The following ARHGAP44 variants were observed in gnomAD, a reference collection of about 807,000 sequenced individuals.
The protein encoded by ARHGAP44 is Rho GTPase activating protein 44.
Under a neutral mutation model 106.8 loss-of-function variants are expected in ARHGAP44, and 43 were observed. The ratio of observed to expected loss-of-function variants is 0.40; its 90% confidence interval spans 0.32 to 0.52. The LOEUF (loss-of-function observed/expected upper bound fraction) is 0.52. ARHGAP44 is among the 20% of genes least tolerant of loss of function. The pLI is 0.48. For missense variants in ARHGAP44, 866 were observed against 1,050.5 expected (o/e 0.82, Z 2.43); for synonymous variants, 439 against 410.3 (o/e 1.07, Z -0.85).
intron 10 of ARHGAP44, among the ~76,000 whole-genome samples, chr17:12,946,564 T>C (rs1190460835): frequency 6.6e-6 from 1 of 151,532 alleles, no homozygotes; most frequent in Non-Finnish European, 1.5e-5. Context: ...TTTGGGAGGC[T>C]GAGGAGGGCA....
chr17:12,906,814 C>G (rs560209663), intron 3 of ARHGAP44, among the ~76,000 whole-genome samples: 31 of 152,174 alleles, frequency 2.0e-4, no homozygotes, highest in African/African-American at 6.5e-4. Flanking sequence ...GGGGTGCATG[C>G]CTGTAGTTCT....
At chr17:12,905,350 T>G (rs1379530740) in intron 3 of ARHGAP44, among the ~76,000 whole-genome samples, 1 of 152,168 alleles carries the variant, frequency 6.6e-6, no homozygotes, top group African/African-American at 2.4e-5. Context: ...TTAGTGCAGG[T>G]GTTAAATGAC....
chr17:12,826,047 A>G (rs560535551), intron 1 of ARHGAP44, among the ~76,000 whole-genome samples: 1 of 152,256 alleles, frequency 6.6e-6, no homozygotes, highest in Non-Finnish European at 1.5e-5. Context: ...GAGATCTCTA[A>G]TTTTTGACAA....
chr17:12,898,722 G>A (rs1157420596), intron 3 of ARHGAP44, among the ~76,000 whole-genome samples: 1 of 152,192 alleles, frequency 6.6e-6, no homozygotes, highest in Non-Finnish European at 1.5e-5. Context: ...AGCTGCAAGG[G>A]AGGCTGAGAA....
intron 20 of ARHGAP44, chr17:12,986,923 G>A: frequency 1.7e-6 from 1 of 602,104 alleles, no homozygotes; most frequent in Non-Finnish European, 2.9e-6. Flanking sequence ...CCTTTTGGCA[G>A]CAGACTGTTG....
At chr17:12,899,583 T>G (rs1455692345) in intron 3 of ARHGAP44, among the ~76,000 whole-genome samples, 1 of 83,098 alleles carries the variant, frequency 1.2e-5, no homozygotes, top group East Asian at 3.5e-4. Flanking sequence ...GGAAAAGAAA[T>G]AAAATGAAAA....
intron 1 of ARHGAP44, among the ~76,000 whole-genome samples, chr17:12,881,785 C>T (rs1373007925): frequency 6.6e-6 from 1 of 152,148 alleles, no homozygotes; most frequent in Non-Finnish European, 1.5e-5. Context: ...CCTTGAACTC[C>T]TGGGCTCAAG....
intron 13 of ARHGAP44, among the ~76,000 whole-genome samples, chr17:12,954,993 C>G (rs570562341): frequency 5.3e-5 from 8 of 152,172 alleles, no homozygotes; most frequent in African/African-American, 1.9e-4. Flanking sequence ...AAAAGAAATC[C>G]CCTTCCGATA....
intron 1 of ARHGAP44, among the ~76,000 whole-genome samples, chr17:12,844,580 T>C (rs2035509815): frequency 1.3e-5 from 2 of 152,278 alleles, no homozygotes; most frequent in African/African-American, 4.8e-5. Context: ...GCTTCTAGGG[T>C]AGCTTCAAAC....
rs1220175194 is a variant in ARHGAP44 at position 12,875,423 on chromosome 17, G to T, written c.54-19517G>T. Among the ~76,000 whole-genome samples the T allele has an allele frequency of 2.0e-5, 3 of 152,034 alleles. No individual in the cohort carries two copies. In the East Asian group the frequency reaches 5.8e-4, roughly 30 times the overall value. On this transcript the variant is annotated intron_variant, in intron 1 of 20. Coordinates refer to ENST00000379672, the MANE Select transcript of ARHGAP44 (RefSeq NM_014859.6). ...AGCCTGGACAACATAGCAAGGCCTT[G>T]TCTCTACTAAAAGTTTTAAAAATTG...
intron 16 of ARHGAP44, among the ~76,000 whole-genome samples, chr17:12,968,764 TTTC>T (rs952842435): frequency 1.4e-5 from 2 of 145,984 alleles, no homozygotes; most frequent in African/African-American, 5.1e-5. Flanking sequence ...TTTTCTTTTA[TTTC>T]TTTTCTTTTT....
Position 12,958,309 on chromosome 17 carries a change from A to G in ARHGAP44, c.1343-408A>G, listed in dbSNP as rs780461705. On this transcript the variant is annotated intron_variant, in intron 15 of 20. Transcript: ENST00000379672. This position sits in a 1 kb window ranked among gnomAD's most constrained non-coding sequence, Gnocchi z 4.1. The stretch of plus-strand genomic sequence containing the variant: ...TATTGCCTCTTATTTTATTTTCTTG[A>G]CTAATTCCATTGGCTAGTGTTTCTC... Among the ~76,000 whole-genome samples, 1 of 152,150 alleles carries G rather than the reference A, an allele frequency of 6.6e-6. No homozygotes were observed. The highest frequency in any genetic ancestry group is 1.5e-5 in the Non-Finnish European group (1 of 68,038).
chr17:12,975,615 G>A (rs1035599976), intron 18 of ARHGAP44, among the ~76,000 whole-genome samples: 7 of 151,760 alleles, frequency 4.6e-5, no homozygotes, highest in African/African-American at 7.3e-5. Context: ...TGGCTAACAC[G>A]GTGAAACCCC....
intron 20 of ARHGAP44, chr17:12,987,482 G>C (rs1159016505): frequency 4.3e-6 from 1 of 229,902 alleles, no homozygotes; most frequent in African/African-American, 2.2e-5. Context: ...AGCTGTAACA[G>C]ATCTGTTCTT....
At chr17:12,846,480 C>A (rs1272551773) in intron 1 of ARHGAP44, among the ~76,000 whole-genome samples, 3 of 152,102 alleles carry the variant, frequency 2.0e-5, no homozygotes, top group African/African-American at 4.8e-5. Flanking sequence ...ATTTATTAGC[C>A]CATGTAGGTG....
intron 10 of ARHGAP44, among the ~76,000 whole-genome samples, chr17:12,944,848 G>A (rs1006906248): frequency 6.6e-6 from 1 of 151,310 alleles, no homozygotes; most frequent in Non-Finnish European, 1.5e-5. Context: ...CTCTTCTTCT[G>A]CCTCTTCCTC....
At chr17:12,880,385 A>G (rs888968780) in intron 1 of ARHGAP44, among the ~76,000 whole-genome samples, 2 of 152,078 alleles carry the variant, frequency 1.3e-5, no homozygotes, top group Admixed American at 6.6e-5. Context: ...TTTTGTATTT[A>G]TAATTCTCTT....
chr17:12,870,046 G>GTTT (rs745373550), intron 1 of ARHGAP44, among the ~76,000 whole-genome samples: 7 of 60,246 alleles, frequency 1.2e-4, no homozygotes, highest in South Asian at 6.2e-4. Flanking sequence ...AACAAATACC[G>GTTT]TCTTTTTTTT....
intron 3 of ARHGAP44, 53 bp from the exon 4 acceptor site, chr17:12,908,844 C>A: frequency 1.4e-6 from 2 of 1,461,718 alleles, no homozygotes; most frequent in South Asian, 2.4e-5. Flanking sequence ...ATTTTAGATT[C>A]AACAGATGAA....
Sources: gnomAD v4.1 joint callset for allele counts (sites outside exome capture counted in the v4.1 genomes callset) on GRCh38, gnomAD v4.1.1 for gene constraint, Gnocchi (gnomAD v3.1) non-coding constraint, MANE v1.5 for transcripts, NCBI Gene and HGNC (gene_info 2026-07-23, HGNC 2026-07-21) for gene names.